Variants in FAM168A observed in about 807,000 individuals in gnomAD.
FAM168A encodes family with sequence similarity 168 member A.
Under a neutral mutation model 28.5 loss-of-function variants are expected in FAM168A, and 3 were observed. The observed-to-expected ratio is 0.11, with a 90% CI of 0.05 to 0.27. FAM168A has a LOEUF of 0.27. Among genes scored for constraint, FAM168A ranks in the 10% least tolerant of loss-of-function variants. The pLI is 1.00. For synonymous variants in FAM168A, 122 were observed against 124.2 expected, an observed-to-expected ratio of 0.98 and a Z score of 0.12; for missense variants, 222 against 311.5, an observed-to-expected ratio of 0.71 and a Z score of 2.16.
chr11:73,564,972 C>T (rs1434975977), intron 1 of FAM168A, among the ~76,000 whole-genome samples: 2 of 152,116 alleles, frequency 1.3e-5, no homozygotes, highest in Admixed American at 1.3e-4. Context: ...AATCACCTAA[C>T]TACAACTATA....
intron 1 of FAM168A, among the ~76,000 whole-genome samples, chr11:73,507,039 A>C (rs1359004762): frequency 2.0e-5 from 3 of 152,172 alleles, no homozygotes; most frequent in Non-Finnish European, 4.4e-5. Flanking sequence ...ATACTTAACG[A>C]CCCTTGAAAA....
At chr11:73,561,899 ATT>A (rs1491080171) in intron 1 of FAM168A, among the ~76,000 whole-genome samples, 1 of 152,152 alleles carries the variant, frequency 6.6e-6, no homozygotes, top group African/African-American at 2.4e-5. Context: ...TTGAATTTCA[ATT>A]CTGCAATCTT....
intron 2 of FAM168A, among the ~76,000 whole-genome samples, chr11:73,464,541 C>A (rs1490303139): frequency 6.6e-6 from 1 of 152,146 alleles, no homozygotes; most frequent in Non-Finnish European, 1.5e-5. Flanking sequence ...AGTGGGCTAG[C>A]AGAGGAATGT....
chr11:73,477,866 T>C (rs1194734708), intron 1 of FAM168A, among the ~76,000 whole-genome samples: 1 of 152,072 alleles, frequency 6.6e-6, no homozygotes, highest in East Asian at 1.9e-4. Context: ...GAAGTGATAC[T>C]AGACAGTAAT....
intron 3 of FAM168A, among the ~76,000 whole-genome samples, chr11:73,421,073 G>A (rs192012009): frequency 1.4e-5 from 2 of 141,198 alleles, no homozygotes; most frequent in South Asian, 2.2e-4. Flanking sequence ...TAAAGTCTTG[G>A]GGGGGGGGTC....
chr11:73,585,256 C>T (rs538834520), intron 1 of FAM168A, among the ~76,000 whole-genome samples: 1 of 152,266 alleles, frequency 6.6e-6, no homozygotes, highest in African/African-American at 2.4e-5. Context: ...ATAACAGCTA[C>T]CATTTGTTAA....
intron 5 of FAM168A, 96 bp downstream of exon 5, chr11:73,411,298 C>A: frequency 7.3e-7 from 1 of 1,372,652 alleles, no homozygotes; most frequent in South Asian, 1.4e-5. Context: ...ACAAACCATC[C>A]TCTCCTTCCC....
In FAM168A at chr11:73,411,704, A is replaced by G. The variant is rs550319956; in HGVS notation, c.278-168T>C. ...GCTCCACCCAGAAAGCCCTGGCCCC[A>G]GAGGCAGCTCCCTCAGTCCTGGTGC... On this transcript the variant is annotated intron_variant, in intron 4 of 7. Coordinates refer to ENST00000356467, the MANE Select transcript of FAM168A (RefSeq NM_015159.3). Among the ~76,000 whole-genome samples, 61 of 152,292 alleles carry G rather than the reference A, an allele frequency of 4.0e-4. 1 individual carries two copies. Among genetic ancestry groups the G allele is most frequent in the African/African-American group, 1.4e-3 (60 of 41,560 alleles).
chr11:73,563,522 T>C (rs1350648373), intron 1 of FAM168A, among the ~76,000 whole-genome samples: 1 of 152,034 alleles, frequency 6.6e-6, no homozygotes, highest in Non-Finnish European at 1.5e-5. Context: ...AGTAAGTATG[T>C]AAGATGCCAT....
At chr11:73,453,801 C>T (rs761838426) in intron 2 of FAM168A, among the ~76,000 whole-genome samples, 4 of 152,222 alleles carry the variant, frequency 2.6e-5, no homozygotes, top group Non-Finnish European at 5.9e-5. Context: ...CTATGCAGCA[C>T]AGCCAAAAGC....
At chr11:73,568,217 G>A (rs976560147) in intron 1 of FAM168A, among the ~76,000 whole-genome samples, 2 of 152,178 alleles carry the variant, frequency 1.3e-5, no homozygotes, top group Non-Finnish European at 2.9e-5. Flanking sequence ...GCCCAGGACT[G>A]TAGCCAACTA....
At chr11:73,480,098 A>G (rs1346977734) in intron 1 of FAM168A, among the ~76,000 whole-genome samples, 5 of 152,194 alleles carry the variant, frequency 3.3e-5, no homozygotes, top group African/African-American at 1.2e-4. Context: ...ATCTCAGAAA[A>G]TGCTTCAATT....
intron 1 of FAM168A, among the ~76,000 whole-genome samples, chr11:73,565,859 A>G (rs1032273336): frequency 2.0e-5 from 3 of 152,196 alleles, no homozygotes; most frequent in African/African-American, 7.2e-5. Flanking sequence ...CTCTTGCGGC[A>G]TCCAATTAAG....
chr11:73,499,149 C>T (rs769883140), intron 1 of FAM168A, among the ~76,000 whole-genome samples: 3 of 152,158 alleles, frequency 2.0e-5, no homozygotes, highest in African/African-American at 7.2e-5. Context: ...GAAGAAGGAG[C>T]AGGAACCCAT....
intron 1 of FAM168A, among the ~76,000 whole-genome samples, chr11:73,556,156 CA>C (rs1486350026): frequency 0.073 from 8 of 110 alleles, no homozygotes; most frequent in East Asian, 0.5. Context: ...ACAGCCTGGG[CA>C]ACATAAGTGA....
intron 1 of FAM168A, among the ~76,000 whole-genome samples, chr11:73,593,003 A>C (rs916012580): frequency 6.6e-6 from 1 of 152,240 alleles, no homozygotes; most frequent in Non-Finnish European, 1.5e-5. Context: ...AGCTTTTTTA[A>C]AAGTTAAAAA....
intron 1 of FAM168A, among the ~76,000 whole-genome samples, chr11:73,532,795 C>T (rs1943529791): frequency 2.6e-5 from 4 of 152,264 alleles, no homozygotes; most frequent in East Asian, 3.9e-4. Context: ...CATCATGCAC[C>T]GCAATCAGAG....
chr11:73,493,410 G>C (rs1320729560), intron 1 of FAM168A, among the ~76,000 whole-genome samples: 2 of 151,998 alleles, frequency 1.3e-5, no homozygotes, highest in Non-Finnish European at 2.9e-5. Context: ...CTTTTTAAAG[G>C]TTGTTTTGTT....
chr11:73,585,063 T>A (rs1944295772), intron 1 of FAM168A, among the ~76,000 whole-genome samples: 1 of 151,638 alleles, frequency 6.6e-6, no homozygotes, highest in South Asian at 2.1e-4. Context: ...CAAAGTTTGA[T>A]CTCTGTTGCA....
Sources: gnomAD v4.1 joint callset for allele counts (sites outside exome capture counted in the v4.1 genomes callset) on GRCh38, gnomAD v4.1.1 for gene constraint, MANE v1.5 for transcripts, NCBI Gene and HGNC (gene_info 2026-07-23, HGNC 2026-07-21) for gene names.